The following VPS13D variants were observed in gnomAD, a reference collection of about 807,000 sequenced individuals.
VPS13D encodes the protein intermembrane lipid transfer protein VPS13D.
Under a neutral mutation model 461.9 loss-of-function variants are expected in VPS13D, and 187 were observed. The ratio of observed to expected loss-of-function variants is 0.40; its 90% CI spans 0.36 to 0.46. The LOEUF is 0.46. VPS13D is among the 20% of genes least tolerant of loss of function. The pLI is 0.60. For missense variants in VPS13D, 4,711 were observed against 5,364.9 expected (o/e 0.88, Z 3.81); for synonymous variants, 1,951 against 1,986.3 (o/e 0.98, Z 0.47).
In VPS13D at chr1:12,279,425, A is replaced by G; in HGVS notation, c.4451-74A>G. The G allele has an allele frequency of 1.4e-6, 2 of 1,465,086 alleles. No homozygotes were observed. Among genetic ancestry groups the G allele is most frequent in the Admixed American group, 2.0e-5 (1 of 49,940 alleles). The allele number at this position is 1,465,086 out of a possible 1,614,324, so 90.8% of individuals were successfully genotyped here. A position where few individuals can be genotyped will look rare whatever the true frequency, so the allele number is the denominator to read the frequency against. On this transcript the variant is annotated intron_variant, in intron 19 of 69. Transcript: ENST00000620676. This position sits in a 1 kb window ranked among gnomAD's most constrained non-coding sequence, Gnocchi z 4.3. Reference sequence around the variant, plus strand: ...GTAACTCATGGGCTGTATTTTGTATATTCTACGTTTAATCAGCAGTAATGA... The same window carrying G: ...GTAACTCATGGGCTGTATTTTGTATGTTCTACGTTTAATCAGCAGTAATGA...
rs368228974 is a variant in VPS13D, at chr1:12,432,040, A to G, written c.12333+15213A>G. ...AATTTTAAAATTTTTCTAAATGTTC[A>G]TATGTTTTTCTCTGTATGTTGTTAG... On this transcript the variant is annotated intron_variant, in intron 65 of 69. Transcript: ENST00000620676. Among the ~76,000 whole-genome samples, 51 of 152,328 alleles carry G rather than the reference A, an allele frequency of 3.3e-4. 2 individuals are homozygous for G. The highest frequency in any genetic ancestry group is 2.0e-3 in the Admixed American group (31 of 15,302).
Position 12,283,392 on chromosome 1 carries a change from C to G in VPS13D, c.5290C>G (p.Pro1764Ala). ...CAAGGACTATCCCTTGACCCCACCT[C>G]CTTCTCCAACAGTGGATGAGCCCAA... ...QDKDYPLTPPPSPTVDEPKIL... is the reference protein window; with the variant it reads ...QDKDYPLTPPASPTVDEPKIL... The change falls in exon 21 of 70, where the codon CCT becomes GCT. Residue 1764 changes from proline (P) to alanine (A), a missense_variant. Around this residue, in one of 3 missense-constraint regions of VPS13D, gnomAD observed 4,411 missense variants for 4,937.8 expected, o/e 0.89. Coordinates refer to ENST00000620676, the MANE Select transcript of VPS13D (RefSeq NM_015378.4). The G allele has an allele frequency of 6.2e-7, 1 of 1,614,184 alleles. No individual in the cohort carries two copies. Among genetic ancestry groups the G allele is most frequent in the Non-Finnish European group, 8.5e-7 (1 of 1,180,038 alleles).
intron 22 of VPS13D, among the ~76,000 whole-genome samples, chr1:12,290,721 T>C (rs1413777097): frequency 3.0e-5 from 4 of 135,104 alleles, no homozygotes; most frequent in Non-Finnish European, 6.5e-5. Context: ...AGACTCTGTC[T>C]AAAAAAAAAA....
At chr1:12,415,799 T>C (rs764519919) in intron 64 of VPS13D, among the ~76,000 whole-genome samples, 1 of 152,220 alleles carries the variant, frequency 6.6e-6, no homozygotes, top group Non-Finnish European at 1.5e-5. Context: ...TTTTTGACTA[T>C]CCTAATTGGT....
At chr1:12,240,259 C>T (rs1029972239) in intron 2 of VPS13D, among the ~76,000 whole-genome samples, 33 of 152,062 alleles carry the variant, frequency 2.2e-4, no homozygotes, top group Admixed American at 1.2e-3. Flanking sequence ...CAGGGAAGCC[C>T]AGAGCTCACC....
chr1:12,323,268 G>T (rs1270171733), intron 34 of VPS13D, among the ~76,000 whole-genome samples: 2 of 151,950 alleles, frequency 1.3e-5, no homozygotes, highest in African/African-American at 4.8e-5. Flanking sequence ...TAGAGACGGG[G>T]TCTTGCTATT....
At chr1:12,236,521 C>G (rs777507860) in intron 2 of VPS13D, among the ~76,000 whole-genome samples, 2 of 152,106 alleles carry the variant, frequency 1.3e-5, no homozygotes, top group Admixed American at 6.5e-5. Context: ...GCTGGGACCA[C>G]AGGCATGCAC....
At chr1:12,378,372 C>A in intron 55 of VPS13D, 56 bp from the exon 56 acceptor site, 2 of 1,479,686 alleles carry the variant, frequency 1.4e-6, no homozygotes, top group Non-Finnish European at 1.8e-6. Flanking sequence ...AAGTGAGGAG[C>A]TAGCTGTGGC....
intron 64 of VPS13D, among the ~76,000 whole-genome samples, chr1:12,416,027 A>G (rs1644789540): frequency 6.6e-6 from 1 of 152,072 alleles, no homozygotes; most frequent in African/African-American, 2.4e-5. Context: ...CAAAATATAG[A>G]AAAAAAAGAT....
chr1:12,246,788 TA>T, intron 5 of VPS13D, among the ~76,000 whole-genome samples: 1 of 152,350 alleles, frequency 6.6e-6, no homozygotes, highest in East Asian at 1.9e-4. Context: ...GAAGCCATAT[TA>T]AAGTTTGGTC....
intron 10 of VPS13D, among the ~76,000 whole-genome samples, chr1:12,259,550 C>A (rs753616307): frequency 6.6e-6 from 1 of 152,046 alleles, no homozygotes; most frequent in Non-Finnish European, 1.5e-5. Context: ...GCAATTTGCC[C>A]GCTTTGGCCT....
chr1:12,456,763 A>C (rs193044596), intron 66 of VPS13D, among the ~76,000 whole-genome samples: 1 of 152,116 alleles, frequency 6.6e-6, no homozygotes, highest in Non-Finnish European at 1.5e-5. Flanking sequence ...AGCCGGTGAG[A>C]ACTCCTCATT....
intron 65 of VPS13D, among the ~76,000 whole-genome samples, chr1:12,450,036 C>G (rs1237392268): frequency 1.3e-5 from 2 of 152,030 alleles, no homozygotes; most frequent in African/African-American, 2.4e-5. Context: ...GGCATGAGAA[C>G]CGCTTGAACC....
Position 12,288,233 on chromosome 1 carries a change from T to A in VPS13D, c.5645T>A (p.Leu1882His). 6.2e-7 allele frequency: 1 copy of A among 1,613,210 alleles called. No individual in the cohort carries two copies. The highest frequency in any genetic ancestry group is 8.5e-7 in the Non-Finnish European group (1 of 1,179,286). Residue 1882 changes from leucine to histidine, a missense_variant, in exon 22 of 70, where the codon CTT (leucine) becomes CAT (histidine). Coordinates refer to ENST00000620676, the MANE Select transcript of VPS13D (RefSeq NM_015378.4). ...CTTGTCTGTTCCTAGGTTCATTCAC[T>A]TTCTCTAGTGCTGAATAAGACCACC... ...NTKLDLKVHS[L>H]SLVLNKTTSE...
In VPS13D at chr1:12,284,652, A is replaced by G. The variant is rs547547972; in HGVS notation, c.5634+916A>G. 1.8e-3 allele frequency among the ~76,000 whole-genome samples: 267 copies of G among 152,346 alleles called. 1 individual carries two copies. The highest frequency in any genetic ancestry group is 5.9e-3 in the African/African-American group (246 of 41,588). On this transcript the variant is annotated intron_variant, in intron 21 of 69. Coordinates refer to ENST00000620676, the MANE Select transcript of VPS13D (RefSeq NM_015378.4). Reference sequence around the variant, plus strand: ...TGGCTGGTAACATTTGTGTGCCTCAAGGATGTTCTTTATCCACATGTCTTA... The same window carrying G: ...TGGCTGGTAACATTTGTGTGCCTCAGGGATGTTCTTTATCCACATGTCTTA...
intron 26 of VPS13D, 61 bp from the exon 27 acceptor site, chr1:12,308,370 A>G: frequency 6.4e-7 from 1 of 1,555,148 alleles, no homozygotes; most frequent in South Asian, 1.1e-5. Context: ...TTATTTGTTT[A>G]GTGCAACCCC....
intron 27 of VPS13D, among the ~76,000 whole-genome samples, chr1:12,308,946 A>G (rs988940989): frequency 3.3e-5 from 5 of 152,116 alleles, no homozygotes; most frequent in Non-Finnish European, 7.4e-5. Flanking sequence ...TGCCCAGCCA[A>G]TGTTTTATAT....
chr1:12,460,332 G>A lies in VPS13D; in HGVS notation c.12598G>A (p.Ala4200Thr), dbSNP rs1329306334. The change falls in exon 67 of 70, where the codon GCC becomes ACC. Residue 4200 changes from alanine (A) to threonine (T), a missense_variant. Transcript: ENST00000620676. ...CACTGTAACCAAGCCAGTGGCAGGC[G>A]CCCTGGATTTTGCATCAGAAACAGC... ...VGTVTKPVAG[A>T]LDFASETAQA... 2 of 1,612,910 alleles carry A rather than the reference G, an allele frequency of 1.2e-6. No homozygotes were observed. Among genetic ancestry groups the A allele is most frequent in the Middle Eastern group, 1.7e-4 (1 of 6,050 alleles).
chr1:12,384,980 G>C (rs1045487262), intron 58 of VPS13D, among the ~76,000 whole-genome samples: 2 of 152,126 alleles, frequency 1.3e-5, no homozygotes, highest in African/African-American at 4.8e-5. Context: ...CTTGAGGTTT[G>C]CATATTTTGA....
Sources: gnomAD v4.1 joint callset for allele counts (sites outside exome capture counted in the v4.1 genomes callset) on GRCh38, gnomAD v4.1.1 for gene constraint, gnomAD v4.1.1 regional missense constraint, Gnocchi (gnomAD v3.1) non-coding constraint, MANE v1.5 for transcripts, NCBI Gene and HGNC (gene_info 2026-07-23, HGNC 2026-07-21) for gene names.